Variants in MICAL3 observed in about 807,000 individuals in gnomAD.
MICAL3 encodes the protein microtubule associated monooxygenase, calponin and LIM domain containing 3, also known as [F-actin]-monooxygenase MICAL3.
In MICAL3, 62 loss-of-function variants were observed where a neutral mutation model predicts 207.4. The observed-to-expected ratio is 0.30, with a 90% CI of 0.24 to 0.37. The LOEUF (loss-of-function observed/expected upper bound fraction) is 0.37. Ranked by LOEUF, MICAL3 falls within the 10% of genes least tolerant of loss-of-function variation. The probability of loss-of-function intolerance (pLI) is 1.00; values close to 1 mark genes in which losing one functional copy is unlikely to be tolerated. For synonymous variants in MICAL3, 1,077 were observed against 1,069.3 expected, an observed-to-expected ratio of 1.01 and a Z score of -0.14; for missense variants, 2,368 against 2,635.6, an observed-to-expected ratio of 0.90 and a Z score of 2.22.
rs183106360 is a variant in MICAL3, at chr22:17,965,365, C to A, written c.-74-58479G>T. ...ATAATTTCAATGCTTAAGAGAGGTC[C>A]TGAAGGCATGTCACTAACACAATGA... is the stretch of plus-strand genomic sequence containing the variant. On this transcript the variant is annotated intron_variant, in intron 1 of 31. Transcript: ENST00000441493. Among the ~76,000 whole-genome samples the A allele has an allele frequency of 3.9e-3, 594 of 152,250 alleles. 3 individuals are homozygous for A. Among genetic ancestry groups the A allele is most frequent in the African/African-American group, 0.013 (555 of 41,536 alleles).
At chr22:17,798,766 C>T (rs751934824) in intron 29 of MICAL3, among the ~76,000 whole-genome samples, 19 of 150,772 alleles carry the variant, frequency 1.3e-4, no homozygotes, top group Non-Finnish European at 1.9e-4. Context: ...CTCCGCCTCC[C>T]GGGTTCACGT....
chr22:17,977,045 C>T (rs1038036260), intron 1 of MICAL3, among the ~76,000 whole-genome samples: 2 of 151,902 alleles, frequency 1.3e-5, no homozygotes, highest in Non-Finnish European at 1.5e-5. Flanking sequence ...CCTTGTGATC[C>T]GCCCACCTCC....
rs1314931795 is a variant in MICAL3 at position 17,818,439 on chromosome 22, A to T, written c.4222T>A (p.Ser1408Thr). 1 of 1,612,756 alleles carries T rather than the reference A, an allele frequency of 6.2e-7. No individual in the cohort carries two copies. Among genetic ancestry groups the T allele is most frequent in the Non-Finnish European group, 8.5e-7 (1 of 1,179,870 alleles). Residue 1408 changes from serine to threonine, a missense_variant, in exon 26 of 32, where the codon TCC becomes ACC. Coordinates refer to ENST00000441493, the MANE Select transcript of MICAL3 (RefSeq NM_015241.3). ...PLSLPTPRSP[S>T]DRELRSAQEE... ...TGGGCGCTGCGTAGCTCTCTGTCGG[A>T]CGGGGACCGGGGGGTTGGCAGGGAC...
In MICAL3 at chr22:17,911,704, C is replaced by T. The variant is rs900827991; in HGVS notation, c.-74-4818G>A. 3.3e-5 allele frequency among the ~76,000 whole-genome samples: 5 copies of T among 151,974 alleles called. No individual in the cohort carries two copies. The South Asian group carries it at 6.2e-4, about 19-fold the overall frequency. On this transcript the variant is annotated intron_variant, in intron 1 of 31. Transcript: ENST00000441493. ...AAAATTAGCTGGGTGTGGTGGCATT[C>T]GCCTGTGGTCCCATCTACATGCGAG...
chr22:17,960,538 C>T (rs1602296673), intron 1 of MICAL3, among the ~76,000 whole-genome samples: 6 of 152,252 alleles, frequency 3.9e-5, no homozygotes, highest in Middle Eastern at 3.4e-3. Flanking sequence ...TGGAACACCC[C>T]GCCCAGGAGT....
At chr22:17,791,702 G>C (rs143377276) in intron 29 of MICAL3, 143 of 210,068 alleles carry the variant, frequency 6.8e-4, no homozygotes, top group African/African-American at 3.2e-3. Context: ...AGACAAATGT[G>C]AATTTGTAAA....
intron 16 of MICAL3, chr22:17,881,376 G>A: frequency 7.9e-7 from 1 of 1,265,360 alleles, no homozygotes; most frequent in Non-Finnish European, 1.1e-6. Context: ...GTTCTGGGAG[G>A]ACTGAAGGGT....
In MICAL3 at chr22:17,902,726, A is replaced by G. The variant is rs776965482; in HGVS notation, c.494T>C (p.Ile165Thr). The G allele has an allele frequency of 4.4e-6, 7 of 1,599,280 alleles. No homozygotes were observed. Among genetic ancestry groups the G allele is most frequent in the South Asian group, 2.3e-5 (2 of 88,494 alleles). The part of the protein sequence containing the change: ...DHISIRQLQL[I>T]LLKVALILGI... ...TAGGATCAAGGCTACTTTCAAAAGT[A>G]TTAGTTGGAGCTGACGGATACCTGG... Residue 165 changes from isoleucine to threonine, a missense_variant, in exon 4 of 32, where the codon ATA becomes ACA. Physicochemically the swap from Ile to Thr is moderately conservative, Grantham distance 89 (BLOSUM62 -1). Around this residue, in one of 4 missense-constraint regions of MICAL3, gnomAD observed 400 missense variants for 547.0 expected, o/e 0.73. Coordinates refer to ENST00000441493, the MANE Select transcript of MICAL3 (RefSeq NM_015241.3). The surrounding 1 kb of genome is among the most constrained non-coding windows in gnomAD (Gnocchi z 4.5).
chr22:17,938,330 A>C (rs1933644497), intron 1 of MICAL3, among the ~76,000 whole-genome samples: 1 of 152,182 alleles, frequency 6.6e-6, no homozygotes, highest in South Asian at 2.1e-4. Flanking sequence ...CCATAGGGGG[A>C]CCAGAGCAAC....
rs1235370740 is a variant in MICAL3, at chr22:17,899,472, C to T, written c.924G>A (p.Leu308=). ...CATGTAGTATCACTCCTTTGTCCAG[C>T]AAACTCTGCTTTTTGGCTGTCATAA... The part of the protein sequence containing the change: ...YFVMTAKKQS[L]LDKGVILHDY... Residue 308 remains leucine, a synonymous_variant, in exon 7 of 32, where the codon TTG becomes TTA. Coordinates refer to ENST00000441493, the MANE Select transcript of MICAL3 (RefSeq NM_015241.3). The T allele has an allele frequency of 6.2e-7, 1 of 1,609,258 alleles. No individual in the cohort carries two copies. The highest frequency in any genetic ancestry group is 1.1e-5 in the South Asian group (1 of 89,994).
Position 17,841,572 on chromosome 22 carries a change from C to A in MICAL3, c.2801+250G>T. The A allele has an allele frequency of 1.7e-6, 1 of 572,698 alleles. No individual in the cohort carries two copies. Among genetic ancestry groups the A allele is most frequent in the Non-Finnish European group, 3.1e-6 (1 of 320,570 alleles). The allele number at this position is 572,698 out of a possible 1,614,324, so 35.5% of individuals were successfully genotyped here. On this transcript the variant is annotated intron_variant, in intron 20 of 31. Transcript: ENST00000441493. The surrounding 1 kb of genome is among the most constrained non-coding windows in gnomAD (Gnocchi z 4.2). ...TGCCACTTTCCTTCCCAATGACAGA[C>A]TTGGAGCTGGGGACATGTCAGGTCC... is the stretch of plus-strand genomic sequence containing the variant.
Position 17,890,663 on chromosome 22 carries a change from T to C in MICAL3, c.1694+822A>G, listed in dbSNP as rs545205286. ...TGTCAGTTTATAACCATCATATAAA[T>C]AGCAACTATATCTTGTAGGATTCCT... is the stretch of plus-strand genomic sequence containing the variant. On this transcript the variant is annotated intron_variant, in intron 12 of 31. Transcript: ENST00000441493. Among the ~76,000 whole-genome samples the C allele has an allele frequency of 1.4e-4, 22 of 152,332 alleles. 1 individual carries two copies. The South Asian group carries it at 1.9e-3, about 13-fold the overall frequency.
At position 18,003,509 on chromosome 22, in the gene MICAL3, T is replaced by C. The variant is rs537775343; in HGVS notation, c.-75+20772A>G. Among the ~76,000 whole-genome samples, 12 of 152,310 alleles carry C rather than the reference T, an allele frequency of 7.9e-5. 1 individual carries two copies. In the South Asian group the frequency reaches 2.5e-3, roughly 32 times the overall value. ...CTAGAGCTGCGAAAGTGCTCGTCCC[T>C]AACTCAATCTGTGACAACCATTCAA... On this transcript the variant is annotated intron_variant, in intron 1 of 31. Coordinates refer to ENST00000441493, the MANE Select transcript of MICAL3 (RefSeq NM_015241.3).
intron 15 of MICAL3, among the ~76,000 whole-genome samples, chr22:17,886,534 G>A (rs1235120705): frequency 2.6e-5 from 4 of 152,204 alleles, no homozygotes; most frequent in Non-Finnish European, 5.9e-5. Context: ...GCCGGGTGTG[G>A]TGGCTCATGC....
chr22:18,018,063 A>C (rs1924183858), intron 1 of MICAL3, among the ~76,000 whole-genome samples: 1 of 151,100 alleles, frequency 6.6e-6, no homozygotes, highest in African/African-American at 2.4e-5. Context: ...TTTAATAGAG[A>C]AGGGGTTTCA....
At chr22:17,869,723 T>C (rs1040795312) in intron 17 of MICAL3, among the ~76,000 whole-genome samples, 11 of 152,342 alleles carry the variant, frequency 7.2e-5, no homozygotes, top group African/African-American at 2.6e-4. Flanking sequence ...TGACCTGGAA[T>C]GAATCTCAGG....
chr22:17,872,618 C>A, intron 16 of MICAL3: 1 of 654,882 alleles, frequency 1.5e-6, no homozygotes, highest in South Asian at 1.8e-5. Context: ...TATCAAAACC[C>A]AGACAACCTC....
At chr22:17,804,199 T>G (rs2061967521) in intron 29 of MICAL3, among the ~76,000 whole-genome samples, 1 of 152,170 alleles carries the variant, frequency 6.6e-6, no homozygotes, top group Admixed American at 6.6e-5. Context: ...CTCCTGCCCC[T>G]GGGACTGAAC....
chr22:17,813,574 G>C (rs2062071379), intron 27 of MICAL3: 1 of 152,262 alleles, frequency 6.6e-6, no homozygotes, highest in African/African-American at 2.4e-5. Context: ...CAGAAAAAGA[G>C]ACAGATGATT....
Sources: gnomAD v4.1 joint callset for allele counts (sites outside exome capture counted in the v4.1 genomes callset) on GRCh38, gnomAD v4.1.1 for gene constraint, gnomAD v4.1.1 regional missense constraint, Gnocchi (gnomAD v3.1) non-coding constraint, MANE v1.5 for transcripts, NCBI Gene and HGNC (gene_info 2026-07-23, HGNC 2026-07-21) for gene names.